ZBTB26: variants seen among roughly 807,000 people sequenced by gnomAD.
ZBTB26 encodes zinc finger and BTB domain-containing protein 26.
In ZBTB26, 12 loss-of-function variants were observed where a neutral mutation model predicts 31.6. That is an observed-to-expected ratio of 0.38 (90% CI 0.24 to 0.61). The LOEUF is 0.61. Ranked by LOEUF, ZBTB26 falls within the 20% of genes least tolerant of loss-of-function variation. ZBTB26 has a pLI of 0.60. For synonymous variants in ZBTB26, 155 were observed against 182.9 expected (o/e 0.85, Z 1.23); for missense variants, 311 against 521.9 (o/e 0.60, Z 3.94).
At chr9:122,926,944 A>G (rs1478969121) in intron 1 of ZBTB26, among the ~76,000 whole-genome samples, 2 of 152,230 alleles carry the variant, frequency 1.3e-5, no homozygotes, top group South Asian at 2.1e-4. Flanking sequence ...TACTCAAAAT[A>G]ATCATAAAAA....
intron 1 of ZBTB26, among the ~76,000 whole-genome samples, chr9:122,925,294 C>T (rs1463308898): frequency 2.6e-5 from 4 of 152,064 alleles, no homozygotes; most frequent in African/African-American, 9.7e-5. Flanking sequence ...ATGGCTTGAG[C>T]CCACGAGGCA....
intron 1 of ZBTB26, among the ~76,000 whole-genome samples, chr9:122,925,596 A>G (rs1213349074): frequency 6.6e-6 from 1 of 151,738 alleles, no homozygotes; most frequent in African/African-American, 2.4e-5. Flanking sequence ...ATCTAGGTAC[A>G]ATTTTTTTTT....
intron 1 of ZBTB26, among the ~76,000 whole-genome samples, 186 bp from the exon 2 acceptor site, chr9:122,920,130 A>G (rs1259634138): frequency 6.6e-6 from 1 of 152,238 alleles, no homozygotes; most frequent in Non-Finnish European, 1.5e-5. Flanking sequence ...CACCTTACCA[A>G]TATCAAGTGC....
intron 1 of ZBTB26, among the ~76,000 whole-genome samples, chr9:122,927,813 G>A (rs886241696): frequency 4.0e-5 from 6 of 151,862 alleles, no homozygotes; most frequent in Non-Finnish European, 8.8e-5. Context: ...CTCCCTCCTT[G>A]CATTTTGTTT....
In ZBTB26 at chr9:122,922,269, C is replaced by T. The variant is rs114335906; in HGVS notation, c.-10-2325G>A. Among the ~76,000 whole-genome samples, 811 of 152,118 alleles carry T rather than the reference C, an allele frequency of 5.3e-3. 7 individuals are homozygous for T. The highest frequency in any genetic ancestry group is 0.019 in the African/African-American group (776 of 41,526). ...CAAAGTAAAATAAAACAAACAAAAA[C>T]ACCACTTTCTAAACAATTGTGACTC... is the stretch of plus-strand genomic sequence containing the variant. On this transcript the variant is annotated intron_variant, in intron 1 of 1. Transcript: ENST00000373656.
Position 122,929,495 on chromosome 9 carries a change from A to C in ZBTB26, c.-11+1942T>G, listed in dbSNP as rs552972172. On this transcript the variant is annotated intron_variant, in intron 1 of 1. Transcript: ENST00000373656. ...ATTTCCTAGGATCAAAACCCTGCTC[A>C]ACTACTTTCTGTGTAAACTCAAACC... Among the ~76,000 whole-genome samples, 59 of 152,298 alleles carry C rather than the reference A, an allele frequency of 3.9e-4. No individual in the cohort carries two copies. The South Asian group carries it at 7.9e-3, about 20-fold the overall frequency.
At chr9:122,924,616 TTTC>T (rs143713921) in intron 1 of ZBTB26, among the ~76,000 whole-genome samples, 105,239 of 121,200 alleles carry the variant, frequency 0.87, 44,926 homozygotes, top group South Asian at 0.93. Context: ...AAATTTCAAC[TTTC>T]TTTTTTTTTT....
At chr9:122,925,988 G>A (rs1320378219) in intron 1 of ZBTB26, among the ~76,000 whole-genome samples, 1 of 151,964 alleles carries the variant, frequency 6.6e-6, no homozygotes, top group African/African-American at 2.4e-5. Context: ...TCGAACTCCC[G>A]ACCCGGGTGA....
rs757164720 is a variant in ZBTB26 at position 122,918,588 on chromosome 9, T to C, written c.*21A>G. ...TTGCCACATTGTCAGTCAGTTCGAG[T>C]TGTGAGCATGAAGCCCCTACTCAAT... On this transcript the variant is annotated 3_prime_UTR_variant, in exon 2 of 2. Coordinates refer to ENST00000373656, the MANE Select transcript of ZBTB26 (RefSeq NM_020924.4). The C allele has an allele frequency of 1.9e-6, 3 of 1,595,328 alleles. No homozygotes were observed. The highest frequency in any genetic ancestry group is 2.6e-6 in the Non-Finnish European group (3 of 1,171,684).
intron 1 of ZBTB26, among the ~76,000 whole-genome samples, chr9:122,928,701 AT>A (rs2131542303): frequency 6.6e-6 from 1 of 152,214 alleles, no homozygotes; most frequent in Non-Finnish European, 1.5e-5. Flanking sequence ...CTAAATCCCA[AT>A]CCCCATGGCC....
chr9:122,924,088 C>T (rs935695720), intron 1 of ZBTB26, among the ~76,000 whole-genome samples: 5 of 152,176 alleles, frequency 3.3e-5, no homozygotes, highest in African/African-American at 7.2e-5. Flanking sequence ...GATGAAATCA[C>T]CTAACGACGC....
intron 1 of ZBTB26, among the ~76,000 whole-genome samples, chr9:122,926,784 T>C (rs1833189313): frequency 6.6e-6 from 1 of 152,238 alleles, no homozygotes; most frequent in Non-Finnish European, 1.5e-5. Context: ...TTCTCATCTA[T>C]TTTACTTTAT....
intron 1 of ZBTB26, among the ~76,000 whole-genome samples, chr9:122,920,708 T>A (rs1833083187): frequency 6.6e-6 from 1 of 152,228 alleles, no homozygotes; most frequent in Non-Finnish European, 1.5e-5. Flanking sequence ...AAGGAACACT[T>A]CTTTATAAAG....
intron 1 of ZBTB26, among the ~76,000 whole-genome samples, chr9:122,921,074 T>C (rs1469281895): frequency 6.6e-6 from 1 of 152,206 alleles, no homozygotes; most frequent in African/African-American, 2.4e-5. Context: ...AGGTAAACAC[T>C]GGAAAAACCC....
Position 122,919,884 on chromosome 9 carries a change from A to G in ZBTB26, c.51T>C (p.Asp17=). Residue 17 remains aspartate, a synonymous_variant, in exon 2 of 2, where the codon GAT becomes GAC. Coordinates refer to ENST00000373656, the MANE Select transcript of ZBTB26 (RefSeq NM_020924.4). The surrounding 1 kb of genome is among the most constrained non-coding windows in gnomAD (Gnocchi z 6.1). ...ATTTGTTCATTTTTTGTAACATTGA[A>G]TCTCCATAATTTTCAAACTTGAAGT... ...LLHFKFENYG[D]SMLQKMNKLR... The G allele has an allele frequency of 3.1e-6, 5 of 1,609,512 alleles. No homozygotes were observed. Among genetic ancestry groups the G allele is most frequent in the Non-Finnish European group, 4.2e-6 (5 of 1,178,020 alleles).
Position 122,916,000 on chromosome 9 carries a change from C to T in ZBTB26, c.*2609G>A, listed in dbSNP as rs1210081324. 6.6e-6 allele frequency: 1 copy of T among 152,136 alleles called. No homozygotes were observed. Among genetic ancestry groups the T allele is most frequent in the Non-Finnish European group, 1.5e-5 (1 of 68,028 alleles). The allele number at this position is 152,136 out of a possible 1,614,324, so 9.4% of individuals were successfully genotyped here. A position where few individuals can be genotyped will look rare whatever the true frequency, so the allele number is the denominator to read the frequency against. On this transcript the variant is annotated 3_prime_UTR_variant, in exon 2 of 2. Coordinates refer to ENST00000373656, the MANE Select transcript of ZBTB26 (RefSeq NM_020924.4). ...GAAAGTCATCTTCCTCTGTAAAATA[C>T]TGGATATCAGTAACTTGACTTCTTT... is the stretch of plus-strand genomic sequence containing the variant.
chr9:122,917,085 AT>A lies in ZBTB26; in HGVS notation c.*1523del, dbSNP rs1833025372. The A allele has an allele frequency of 1.3e-5, 2 of 152,250 alleles. No individual in the cohort carries two copies. Among genetic ancestry groups the A allele is most frequent in the Admixed American group, 1.3e-4 (2 of 15,286 alleles). The allele number at this position is 152,250 out of a possible 1,614,324, so 9.4% of individuals were successfully genotyped here. ...AATATAATATTCATCTAACTAAAAA[AT>A]AATTAATATAAATCCCTCTGCGATA... On this transcript the variant is annotated 3_prime_UTR_variant, in exon 2 of 2. Coordinates refer to ENST00000373656, the MANE Select transcript of ZBTB26 (RefSeq NM_020924.4).
chr9:122,916,282 A>C lies in ZBTB26; in HGVS notation c.*2327T>G, dbSNP rs185080048. 5 of 152,360 alleles carry C rather than the reference A, an allele frequency of 3.3e-5. No individual in the cohort carries two copies. The highest frequency in any genetic ancestry group is 7.3e-5 in the Non-Finnish European group (5 of 68,036). The allele number at this position is 152,360 out of a possible 1,614,324, so 9.4% of individuals were successfully genotyped here. On this transcript the variant is annotated 3_prime_UTR_variant, in exon 2 of 2. Transcript: ENST00000373656. The stretch of plus-strand genomic sequence containing the variant: ...TTATTTCTAGTATAAAAGCAAATTG[A>C]GACTTTGTTTCACTAAGACCACATG...
At chr9:122,930,794 C>T (rs760544508) in intron 1 of ZBTB26, among the ~76,000 whole-genome samples, 2 of 152,190 alleles carry the variant, frequency 1.3e-5, no homozygotes, top group Non-Finnish European at 2.9e-5. Context: ...TTTACTCTCT[C>T]CAAGTACAAT....
Sources: allele counts gnomAD v4.1 joint callset (sites outside exome capture counted in the v4.1 genomes callset), GRCh38; gene constraint gnomAD v4.1.1; non-coding constraint Gnocchi (gnomAD v3.1); transcripts MANE v1.5; gene names NCBI Gene and HGNC (gene_info 2026-07-23, HGNC 2026-07-21).